The following ARSK variants were observed in gnomAD, a reference collection of about 807,000 sequenced individuals.
ARSK encodes the protein arylsulfatase K.
In ARSK, 37 loss-of-function variants were observed where a neutral mutation model predicts 53.2. The ratio of observed to expected loss-of-function variants is 0.70; its 90% confidence interval spans 0.54 to 0.92. The LOEUF (loss-of-function observed/expected upper bound fraction) is 0.92, where lower values mean the gene tolerates loss of function less well. ARSK is among the 40% of genes least tolerant of loss of function. ARSK has a pLI of 0.00. For synonymous variants in ARSK, 208 were observed against 223.2 expected, an observed-to-expected ratio of 0.93 and a Z score of 0.61; for missense variants, 613 against 643.0, an observed-to-expected ratio of 0.95 and a Z score of 0.51.
chr5:95,560,106 TTAAAA>T (rs1748602425), intron 1 of ARSK, among the ~76,000 whole-genome samples: 1 of 152,138 alleles, frequency 6.6e-6, no homozygotes, highest in Admixed American at 6.5e-5. Flanking sequence ...GATGAAATAC[TTAAAA>T]TAAATCTAAT....
chr5:95,556,499 T>C, intron 1 of ARSK: 1 of 412,992 alleles, frequency 2.4e-6, no homozygotes, highest in Non-Finnish European at 4.3e-6. Context: ...TCCACCTGCA[T>C]GTTGGATGGC....
At chr5:95,563,973 C>CTTTTTTT (rs70978189) in intron 1 of ARSK, among the ~76,000 whole-genome samples, 2 of 123,960 alleles carry the variant, frequency 1.6e-5, no homozygotes, top group African/African-American at 6.0e-5. Context: ...GGGCTATGCA[C>CTTTTTTT]TTTTTTTTTT....
intron 3 of ARSK, among the ~76,000 whole-genome samples, chr5:95,577,849 G>T (rs894541515): frequency 2.0e-5 from 3 of 151,982 alleles, no homozygotes; most frequent in African/African-American, 7.3e-5. Flanking sequence ...AAAAATCTGT[G>T]ATTTTAATCA....
intron 3 of ARSK, among the ~76,000 whole-genome samples, chr5:95,582,458 C>A (rs1017894569): frequency 6.6e-6 from 1 of 151,950 alleles, no homozygotes; most frequent in African/African-American, 2.4e-5. Flanking sequence ...CAATTTAAAA[C>A]CTGAAACTTC....
intron 1 of ARSK, among the ~76,000 whole-genome samples, chr5:95,564,169 G>C (rs1026414645): frequency 6.6e-6 from 1 of 151,944 alleles, no homozygotes; most frequent in Non-Finnish European, 1.5e-5. Context: ...GTAGAGACAA[G>C]GTTTCACCAT....
chr5:95,578,799 T>C (rs1035453518), intron 3 of ARSK, among the ~76,000 whole-genome samples: 1 of 152,234 alleles, frequency 6.6e-6, no homozygotes, highest in African/African-American at 2.4e-5. Flanking sequence ...ATTGTTACTA[T>C]GTAAACTAAT....
chr5:95,577,411 A>G (rs1298537730), intron 3 of ARSK, among the ~76,000 whole-genome samples: 1 of 152,208 alleles, frequency 6.6e-6, no homozygotes, highest in African/African-American at 2.4e-5. Context: ...TTTATTTTTA[A>G]AAGTACAATA....
intron 6 of ARSK, among the ~76,000 whole-genome samples, chr5:95,593,207 C>T (rs1749247152): frequency 6.6e-6 from 1 of 152,094 alleles, no homozygotes; most frequent in South Asian, 2.1e-4. Flanking sequence ...CTTTGCTTGA[C>T]TTTTTAGCCT....
At chr5:95,592,789 C>T (rs373504871) in intron 6 of ARSK, among the ~76,000 whole-genome samples, 2 of 152,128 alleles carry the variant, frequency 1.3e-5, no homozygotes, top group African/African-American at 2.4e-5. Context: ...CCTTGTGATC[C>T]GCTTGCCTCG....
At chr5:95,578,816 C>T (rs959965970) in intron 3 of ARSK, among the ~76,000 whole-genome samples, 8 of 152,158 alleles carry the variant, frequency 5.3e-5, no homozygotes, top group African/African-American at 1.9e-4. Flanking sequence ...TAATCCTGTG[C>T]TACTTGTAAA....
chr5:95,603,539 A>AAAATAGTGT lies in ARSK; in HGVS notation c.*14_*22dup. ...AAGAGCAGTTTGAACAAAAAGTTTA[A>AAAATAGTGT]AAATAGTGTTCTAGAGATACATATA... On this transcript the variant is annotated 3_prime_UTR_variant, in exon 8 of 8. Transcript: ENST00000380009. 1 of 1,569,696 alleles carries AAAATAGTGT rather than the reference A, an allele frequency of 6.4e-7. No individual in the cohort carries two copies. Among genetic ancestry groups the AAAATAGTGT allele is most frequent in the Non-Finnish European group, 8.6e-7 (1 of 1,159,712 alleles).
At position 95,592,694 on chromosome 5, in the gene ARSK, G is replaced by A. The variant is rs1382623737; in HGVS notation, c.1096+1069G>A. Among the ~76,000 whole-genome samples, 14 of 151,998 alleles carry A rather than the reference G, an allele frequency of 9.2e-5. No individual in the cohort carries two copies. In the South Asian group the frequency reaches 1.5e-3, roughly 16 times the overall value. On this transcript the variant is annotated intron_variant, in intron 6 of 7. Coordinates refer to ENST00000380009, the MANE Select transcript of ARSK (RefSeq NM_198150.3). ...CTCCTGAGTAGCTGGGATTACAGGC[G>A]CCTGCCACCATGTCCAGCTAATTTT...
rs10036798 is a variant in ARSK at position 95,584,723 on chromosome 5, G to T, written c.699+1525G>T. Among the ~76,000 whole-genome samples the T allele has an allele frequency of 4.8e-3, 729 of 152,088 alleles. 3 individuals are homozygous for T. The highest frequency in any genetic ancestry group is 0.016 in the African/African-American group (678 of 41,490). On this transcript the variant is annotated intron_variant, in intron 4 of 7. Transcript: ENST00000380009. ...GAAAAAAAAAATCCCATCAAAAAGT[G>T]GGCTAAGGACATGAATAGGGCTCAC... is the stretch of plus-strand genomic sequence containing the variant.
Position 95,603,516 on chromosome 5 carries a change from G to C in ARSK, c.1601G>C (p.Arg534Thr), listed in dbSNP as rs1376604909. 1.5e-5 allele frequency: 24 copies of C among 1,591,712 alleles called. No individual in the cohort carries two copies. Among genetic ancestry groups the C allele is most frequent in the Non-Finnish European group, 2.0e-5 (23 of 1,172,384 alleles). Residue 534 changes from arginine to threonine, a missense_variant, in exon 8 of 8, where the codon AGA becomes ACA. By Grantham distance (71) the Arg-to-Thr change is moderately conservative (BLOSUM62 -1). Transcript: ENST00000380009. The part of the protein sequence containing the change: ...DQWLKTHMNP[R>T]AV ...TGGCTTAAAACCCATATGAATCCAA[G>C]AGCAGTTTGAACAAAAAGTTTAAAA... is the stretch of plus-strand genomic sequence containing the variant.
At chr5:95,571,709 C>T (rs542120702) in intron 3 of ARSK, among the ~76,000 whole-genome samples, 3 of 152,302 alleles carry the variant, frequency 2.0e-5, no homozygotes, top group South Asian at 2.1e-4. Context: ...TTTACTCACA[C>T]TCTCATCAGA....
intron 3 of ARSK, chr5:95,580,818 C>A: frequency 3.8e-6 from 3 of 784,748 alleles, no homozygotes; most frequent in Non-Finnish European, 5.5e-6. Flanking sequence ...TATTCATCTA[C>A]TGAATACATC....
At chr5:95,563,203 GTAT>G (rs1435771896) in intron 1 of ARSK, among the ~76,000 whole-genome samples, 4 of 152,114 alleles carry the variant, frequency 2.6e-5, no homozygotes, top group African/African-American at 7.2e-5. Flanking sequence ...TTCGTTTAGA[GTAT>G]TATTGATATT....
At position 95,583,089 on chromosome 5, in the gene ARSK, C is replaced by T; in HGVS notation, c.590C>T (p.Pro197Leu). ...AAGGAAGCAATTAATTACACTGAACCATTTGTTATTTACTTGGGATTAAAT... is the reference window on the plus strand; with the variant it reads ...AAGGAAGCAATTAATTACACTGAACTATTTGTTATTTACTTGGGATTAAAT... ...LRKEAINYTEPFVIYLGLNLP... is the reference protein window; with the variant it reads ...LRKEAINYTELFVIYLGLNLP... The change falls in exon 4 of 8, where the codon CCA becomes CTA. Residue 197 changes from proline (P) to leucine (L), a missense_variant. Transcript: ENST00000380009. The T allele has an allele frequency of 6.2e-7, 1 of 1,613,610 alleles. No individual in the cohort carries two copies. Among genetic ancestry groups the T allele is most frequent in the Non-Finnish European group, 8.5e-7 (1 of 1,179,640 alleles).
intron 7 of ARSK, among the ~76,000 whole-genome samples, chr5:95,601,591 T>A (rs1749402570): frequency 6.6e-6 from 1 of 152,234 alleles, no homozygotes; most frequent in African/African-American, 2.4e-5. Context: ...TGATGCTTCT[T>A]ACAGCTTCTA....
Sources: allele counts gnomAD v4.1 joint callset (sites outside exome capture counted in the v4.1 genomes callset), GRCh38; gene constraint gnomAD v4.1.1; transcripts MANE v1.5; gene names NCBI Gene and HGNC (gene_info 2026-07-23, HGNC 2026-07-21).